NUP37: variants seen among roughly 807,000 people sequenced by gnomAD.
NUP37 encodes the protein nucleoporin Nup37.
NUP37 carries 33 observed loss-of-function variants against 45.4 expected under a neutral mutation model. That is an observed-to-expected ratio of 0.73 (90% confidence interval 0.55 to 0.97). The LOEUF is 0.97. Among genes scored for constraint, NUP37 ranks in the 50% least tolerant of loss-of-function variants. The pLI is 0.00. For synonymous variants in NUP37, 127 were observed against 130.7 expected, an observed-to-expected ratio of 0.97 and a Z score of 0.19; for missense variants, 365 against 389.7, an observed-to-expected ratio of 0.94 and a Z score of 0.53.
intron 3 of NUP37, among the ~76,000 whole-genome samples, chr12:102,110,464 T>A (rs561458233): frequency 6.6e-6 from 1 of 151,098 alleles, no homozygotes; most frequent in Non-Finnish European, 1.5e-5. Flanking sequence ...GCTGTGATTA[T>A]GGGTCTGGCT....
At chr12:102,086,821 T>C (rs1279909891) in intron 5 of NUP37, among the ~76,000 whole-genome samples, 2 of 152,212 alleles carry the variant, frequency 1.3e-5, no homozygotes, top group Non-Finnish European at 2.9e-5. Flanking sequence ...CCATGGCTCA[T>C]GCCTGTAATC....
intron 5 of NUP37, among the ~76,000 whole-genome samples, chr12:102,093,310 T>C (rs1347753442): frequency 6.6e-6 from 1 of 152,108 alleles, no homozygotes; most frequent in Non-Finnish European, 1.5e-5. Flanking sequence ...CATTTTGATT[T>C]CTTGTAATTG....
chr12:102,112,483 T>C (rs1025185812), intron 2 of NUP37, among the ~76,000 whole-genome samples: 66 of 152,266 alleles, frequency 4.3e-4, no homozygotes, highest in African/African-American at 1.6e-3. Flanking sequence ...TAGGAGGCAT[T>C]TCATAATAAG....
chr12:102,086,779 T>A (rs1334812337), intron 5 of NUP37, among the ~76,000 whole-genome samples: 3 of 152,154 alleles, frequency 2.0e-5, no homozygotes, highest in African/African-American at 7.2e-5. Flanking sequence ...CACATATAAT[T>A]CTGATCCTTA....
chr12:102,077,059 G>T, intron 7 of NUP37: 1 of 608,560 alleles, frequency 1.6e-6, no homozygotes, highest in Middle Eastern at 4.1e-4. Context: ...CAGGGTCAGT[G>T]TTTTTCTTAT....
At chr12:102,102,557 T>C (rs2136742936) in intron 3 of NUP37, among the ~76,000 whole-genome samples, 1 of 152,374 alleles carries the variant, frequency 6.6e-6, no homozygotes, top group African/African-American at 2.4e-5. Context: ...ATCTGTAGGT[T>C]GCATCTTCAC....
chr12:102,089,312 C>A (rs1594388809), intron 5 of NUP37, among the ~76,000 whole-genome samples: 1 of 150,922 alleles, frequency 6.6e-6, no homozygotes, highest in East Asian at 1.9e-4. Context: ...TCCTCACTTC[C>A]CAGACGGGGT....
intron 2 of NUP37, among the ~76,000 whole-genome samples, 155 bp from the exon 3 acceptor site, chr12:102,112,387 A>G (rs1880342426): frequency 6.6e-6 from 1 of 151,768 alleles, no homozygotes; most frequent in African/African-American, 2.4e-5. Flanking sequence ...TCATTGAATT[A>G]AAAAAAAATC....
At chr12:102,112,319 G>T in intron 2 of NUP37, 87 bp from the exon 3 acceptor site, 1 of 1,103,718 alleles carries the variant, frequency 9.1e-7, no homozygotes, top group Non-Finnish European at 1.3e-6. Context: ...TTATCAGGAG[G>T]TTATGCTTAT....
intron 7 of NUP37, chr12:102,077,084 C>T: frequency 1.6e-6 from 1 of 607,594 alleles, no homozygotes; most frequent in Non-Finnish European, 2.9e-6. Flanking sequence ...CAATATAAGT[C>T]AACATTGCAC....
At chr12:102,110,086 T>C (rs73384815) in intron 3 of NUP37, among the ~76,000 whole-genome samples, 206 of 152,306 alleles carry the variant, frequency 1.4e-3, no homozygotes, top group African/African-American at 4.5e-3. Flanking sequence ...ATGCAACATC[T>C]TCACAACCTA....
Position 102,077,506 on chromosome 12 carries a change from G to A in NUP37, c.541-3C>T. 3 of 1,605,122 alleles carry A rather than the reference G, an allele frequency of 1.9e-6. No individual in the cohort carries two copies. Among genetic ancestry groups the A allele is most frequent in the Non-Finnish European group, 2.5e-6 (3 of 1,176,960 alleles). On this transcript the variant is annotated splice_polypyrimidine_tract_variant and splice_region_variant and intron_variant, in intron 6 of 9. Transcript: ENST00000552283. ...CCATTCTTCTCTGCAACCATTAGCT[G>A]TAAGACAGAAAAATAAAAAGAAACT...
chr12:102,115,589 T>C (rs1224686355), intron 2 of NUP37, among the ~76,000 whole-genome samples: 2 of 152,206 alleles, frequency 1.3e-5, no homozygotes, highest in Non-Finnish European at 1.5e-5. Flanking sequence ...GCACCCAGTA[T>C]GCACTTAATG....
At chr12:102,085,379 AC>A (rs1279619164) in intron 6 of NUP37, among the ~76,000 whole-genome samples, 1 of 152,030 alleles carries the variant, frequency 6.6e-6, no homozygotes, top group African/African-American at 2.4e-5. Context: ...CCAAGATCAC[AC>A]CACTGCACTC....
At chr12:102,085,907 T>C (rs1487158104) in intron 5 of NUP37, 51 bp from the exon 6 acceptor site, 4 of 847,654 alleles carry the variant, frequency 4.7e-6, no homozygotes, top group African/African-American at 1.7e-5. Flanking sequence ...ATATCATTAC[T>C]AAAAAATTAA....
chr12:102,094,122 C>T (rs143908180), intron 5 of NUP37, among the ~76,000 whole-genome samples: 20 of 152,074 alleles, frequency 1.3e-4, no homozygotes, highest in African/African-American at 3.9e-4. Flanking sequence ...GTTCTTTTAA[C>T]GACAAAGAAT....
At chr12:102,082,648 AC>A (rs1879361677) in intron 6 of NUP37, among the ~76,000 whole-genome samples, 1 of 152,134 alleles carries the variant, frequency 6.6e-6, no homozygotes, top group Non-Finnish European at 1.5e-5. Context: ...CTGGGATCTG[AC>A]TCCAGGCAGT....
intron 5 of NUP37, among the ~76,000 whole-genome samples, chr12:102,093,599 C>G (rs963935901): frequency 2.6e-5 from 4 of 151,910 alleles, no homozygotes; most frequent in African/African-American, 9.7e-5. Flanking sequence ...CTAACATAAG[C>G]CTTAACAAAA....
chr12:102,088,992 GAC>G (rs1879559858), intron 5 of NUP37, among the ~76,000 whole-genome samples: 1 of 152,114 alleles, frequency 6.6e-6, no homozygotes, highest in South Asian at 2.1e-4. Context: ...ACCCTGAGTT[GAC>G]ACAGCACGTT....
Sources: allele counts gnomAD v4.1 joint callset (sites outside exome capture counted in the v4.1 genomes callset), GRCh38; gene constraint gnomAD v4.1.1; transcripts MANE v1.5; gene names NCBI Gene and HGNC (gene_info 2026-07-23, HGNC 2026-07-21).